Variants in ITGB8 observed in about 807,000 individuals in gnomAD.
ITGB8 encodes integrin beta-8.
A neutral mutation model predicts 89.5 loss-of-function variants in ITGB8; 30 were observed. The ratio of observed to expected loss-of-function variants is 0.34; its 90% CI spans 0.25 to 0.45. The LOEUF is 0.45. ITGB8 is among the 20% of genes least tolerant of loss of function. The pLI is 1.00. For missense variants in ITGB8, 836 were observed against 933.3 expected, an observed-to-expected ratio of 0.90 and a Z score of 1.36; for synonymous variants, 335 against 320.4, an observed-to-expected ratio of 1.05 and a Z score of -0.49.
chr7:20,346,520 A>C (rs1445684237), intron 1 of ITGB8: 2 of 157,928 alleles, frequency 1.3e-5, no homozygotes, highest in Non-Finnish European at 2.7e-5. Context: ...TGGGATCTCA[A>C]GGTAGATAGT....
At position 20,409,921 on chromosome 7, in the gene ITGB8, G is replaced by A. The variant is rs545242791; in HGVS notation, c.2234G>A (p.Arg745Gln). 12 of 1,613,574 alleles carry A rather than the reference G, an allele frequency of 7.4e-6. No individual in the cohort carries two copies. The East Asian group carries it at 1.1e-4, about 15-fold the overall frequency. The change falls in exon 14 of 14, where the codon CGA becomes CAA. Residue 745 changes from arginine to glutamine, a missense_variant. Arg to Gln is a conservative substitution (Grantham distance 43, BLOSUM62 1). Around this residue, in one of 5 missense-constraint regions of ITGB8, gnomAD observed 422 missense variants for 416.9 expected, o/e 1.01. Transcript: ENST00000222573. ...GTTTGCACAAGAGCAGTCACCTACC[G>A]ACGTGAGAAGCCTGAAGAAATAAAA... ...QSVCTRAVTY[R>Q]REKPEEIKMD...
At chr7:20,387,240 A>G (rs546211044) in intron 6 of ITGB8, among the ~76,000 whole-genome samples, 1 of 152,334 alleles carries the variant, frequency 6.6e-6, no homozygotes, top group Non-Finnish European at 1.5e-5. Flanking sequence ...AAAAGGTGCT[A>G]AAGAGATCAG....
chr7:20,366,788 A>C (rs1276785277), intron 2 of ITGB8: 6 of 424,424 alleles, frequency 1.4e-5, no homozygotes, highest in African/African-American at 4.2e-5. Flanking sequence ...AAAGCCAACC[A>C]GAGAAACTTC....
Position 20,366,824 on chromosome 7 carries a change from G to C in ITGB8, c.214-188G>C, listed in dbSNP as rs960949731. On this transcript the variant is annotated intron_variant, in intron 2 of 13. Transcript: ENST00000222573. ...AGTCTGAGCTTTTCCTTCTCAAATA[G>C]GTTTTAGATGCAGAAAGTTGGAGTA... 7.8e-6 allele frequency: 4 copies of C among 515,126 alleles called. No individual in the cohort carries two copies. In the African/African-American group the frequency reaches 8.1e-5, roughly 10 times the overall value. 31.9% of individuals were successfully genotyped at this position (515,126 alleles called of 1,614,324 possible). A position where few individuals can be genotyped will look rare whatever the true frequency, so the allele number is the denominator to read the frequency against.
chr7:20,387,975 AT>A (rs1485573688), intron 6 of ITGB8, among the ~76,000 whole-genome samples: 4 of 152,206 alleles, frequency 2.6e-5, no homozygotes, highest in African/African-American at 9.6e-5. Context: ...TTATTACAAT[AT>A]TCCATACTAT....
At chr7:20,402,148 C>G in intron 10 of ITGB8, 22 bp downstream of exon 10, 2 of 1,563,098 alleles carry the variant, frequency 1.3e-6, no homozygotes, top group Non-Finnish European at 1.7e-6. Context: ...TATATACAGG[C>G]AGCTTTTACT....
At chr7:20,346,016 T>C (rs1784910776) in intron 1 of ITGB8, among the ~76,000 whole-genome samples, 1 of 152,128 alleles carries the variant, frequency 6.6e-6, no homozygotes, top group Non-Finnish European at 1.5e-5. Context: ...GGTTGGTAAA[T>C]GTCAGTGAAT....
At chr7:20,373,382 A>G (rs778146311) in intron 3 of ITGB8, among the ~76,000 whole-genome samples, 3 of 152,214 alleles carry the variant, frequency 2.0e-5, no homozygotes, top group Non-Finnish European at 2.9e-5. Context: ...TTAGGAAAAT[A>G]GGACAGAGAA....
In ITGB8 at chr7:20,404,761, T is replaced by A; in HGVS notation, c.1821T>A (p.Cys607Ter). 6.2e-7 allele frequency: 1 copy of A among 1,614,148 alleles called. No homozygotes were observed. The highest frequency in any genetic ancestry group is 8.5e-7 in the Non-Finnish European group (1 of 1,180,018). ...KGQVCSGRGT[C>*]VCGRCECTDP... The stretch of plus-strand genomic sequence containing the variant: ...AAGTGTGCAGTGGAAGAGGCACGTG[T>A]GTGTGTGGAAGGTGTGAGTGCACCG... The change falls in exon 11 of 14, where the codon TGT becomes TGA. Residue 607 changes from cysteine (C) to a stop codon, truncating the protein, a stop_gained. Coordinates refer to ENST00000222573, the MANE Select transcript of ITGB8 (RefSeq NM_002214.3). LOFTEE classifies it high-confidence loss of function.
rs770287515 is a variant in ITGB8 at position 20,381,893 on chromosome 7, A to T, written c.960+8A>T. On this transcript the variant is annotated splice_region_variant and intron_variant, in intron 6 of 13. Coordinates refer to ENST00000222573, the MANE Select transcript of ITGB8 (RefSeq NM_002214.3). Reference sequence around the variant, plus strand: ...GTCAAATCGACAACCATGGTAATGCAGCAGTAACCGCTTAGTAGATATGAC... The same window carrying T: ...GTCAAATCGACAACCATGGTAATGCTGCAGTAACCGCTTAGTAGATATGAC... 8.1e-6 allele frequency: 13 copies of T among 1,608,534 alleles called. No individual in the cohort carries two copies. Among genetic ancestry groups the T allele is most frequent in the South Asian group, 1.1e-5 (1 of 89,994 alleles).
intron 6 of ITGB8, among the ~76,000 whole-genome samples, chr7:20,383,032 C>T (rs1416406820): frequency 1.3e-5 from 2 of 152,190 alleles, no homozygotes; most frequent in Non-Finnish European, 2.9e-5. Flanking sequence ...TCCTGCCACC[C>T]TTGGGAGTGT....
At chr7:20,399,635 G>T (rs1273818386) in intron 9 of ITGB8, among the ~76,000 whole-genome samples, 1 of 151,840 alleles carries the variant, frequency 6.6e-6, no homozygotes, top group African/African-American at 2.4e-5. Flanking sequence ...CAGCACCAGA[G>T]GAGATAGAGA....
Position 20,409,760 on chromosome 7 carries a change from A to C in ITGB8, c.2169A>C (p.Arg723Ser), listed in dbSNP as rs186406594. The C allele has an allele frequency of 9.9e-6, 16 of 1,613,018 alleles. No homozygotes were observed. The highest frequency in any genetic ancestry group is 5.0e-5 in the Admixed American group (3 of 59,956). Reference protein sequence around the residue: ...SNKIKSSSDYRVSASKKDKLI... With the variant: ...SNKIKSSSDYSVSASKKDKLI... ...AAATTAAGTCCTCATCAGATTACAG[A>C]GTGTCAGCCTCAAAAAAGGTCAGTG... Residue 723 changes from arginine (R) to serine (S), a missense_variant, in exon 13 of 14, where the codon AGA becomes AGC. Coordinates refer to ENST00000222573, the MANE Select transcript of ITGB8 (RefSeq NM_002214.3).
chr7:20,394,652 C>G (rs1320243785), intron 7 of ITGB8, among the ~76,000 whole-genome samples: 2 of 152,140 alleles, frequency 1.3e-5, no homozygotes, highest in African/African-American at 2.4e-5. Context: ...ATTTTTAGGT[C>G]ATCAGGTACA....
Position 20,409,697 on chromosome 7 carries a change from G to C in ITGB8, c.2106G>C (p.Leu702=). The C allele has an allele frequency of 6.2e-7, 1 of 1,609,980 alleles. No homozygotes were observed. Among genetic ancestry groups the C allele is most frequent in the Non-Finnish European group, 8.5e-7 (1 of 1,176,866 alleles). The change falls in exon 13 of 14, where the codon CTG becomes CTC. Residue 702 remains leucine, a synonymous_variant. Coordinates refer to ENST00000222573, the MANE Select transcript of ITGB8 (RefSeq NM_002214.3). ...TCTTGATTGGGTTGCTTAAAGTCCT[G>C]ATCATTAGACAGGTGATACTACAAT... The part of the protein sequence containing the change: ...VTFLIGLLKV[L]IIRQVILQWN...
intron 1 of ITGB8, among the ~76,000 whole-genome samples, chr7:20,344,164 G>T (rs1470851588): frequency 1.3e-5 from 2 of 151,920 alleles, no homozygotes; most frequent in African/African-American, 4.8e-5. Flanking sequence ...GCAGAGATGG[G>T]TGGTTTGGGC....
chr7:20,380,054 AC>A (rs1274379549), intron 4 of ITGB8: 1 of 152,250 alleles, frequency 6.6e-6, no homozygotes, highest in Non-Finnish European at 1.5e-5. Context: ...ATTCCAATTT[AC>A]CGAAACAGCT....
chr7:20,360,216 TG>T (rs930815792), intron 1 of ITGB8, among the ~76,000 whole-genome samples: 2 of 152,192 alleles, frequency 1.3e-5, no homozygotes, highest in African/African-American at 4.8e-5. Flanking sequence ...ATGTGTACTA[TG>T]GAAGTAGGAG....
At chr7:20,375,680 T>C (rs747987892) in intron 3 of ITGB8, among the ~76,000 whole-genome samples, 9 of 152,314 alleles carry the variant, frequency 5.9e-5, no homozygotes, top group Non-Finnish European at 1.2e-4. Flanking sequence ...AGAACAGCTA[T>C]AATTAATTTA....
Sources: gnomAD v4.1 joint callset for allele counts (sites outside exome capture counted in the v4.1 genomes callset) on GRCh38, gnomAD v4.1.1 for gene constraint, gnomAD v4.1.1 regional missense constraint, MANE v1.5 for transcripts, NCBI Gene and HGNC (gene_info 2026-07-23, HGNC 2026-07-21) for gene names.